Variants in ROBO1 observed in about 807,000 individuals in gnomAD.
ROBO1 encodes roundabout guidance receptor 1.
In ROBO1, 149 loss-of-function variants were observed where a neutral mutation model predicts 195.9. The ratio of observed to expected loss-of-function variants is 0.76; its 90% CI spans 0.67 to 0.87. ROBO1 has a LOEUF of 0.87. Ranked by LOEUF, ROBO1 falls within the 40% of genes least tolerant of loss-of-function variation. The pLI is 0.00. For synonymous variants in ROBO1, 816 were observed against 733.2 expected, an observed-to-expected ratio of 1.11 and a Z score of -1.82; for missense variants, 1,933 against 2,068.3, an observed-to-expected ratio of 0.93 and a Z score of 1.27.
At chr3:78,949,888 G>A (rs1195755750) in intron 3 of ROBO1, among the ~76,000 whole-genome samples, 1 of 152,200 alleles carries the variant, frequency 6.6e-6, no homozygotes, top group East Asian at 1.9e-4. Flanking sequence ...AGACATTTAT[G>A]CAGCCAAAAT....
chr3:79,067,765 T>C (rs995402812), intron 3 of ROBO1, among the ~76,000 whole-genome samples: 2 of 151,962 alleles, frequency 1.3e-5, no homozygotes, highest in Non-Finnish European at 2.9e-5. Flanking sequence ...CAAACATTTA[T>C]GTTACATGGT....
chr3:79,250,142 C>T (rs528067377), intron 2 of ROBO1, among the ~76,000 whole-genome samples: 4 of 152,090 alleles, frequency 2.6e-5, no homozygotes, highest in African/African-American at 4.8e-5. Flanking sequence ...TAGAAGATAT[C>T]AACAGAAATG....
At chr3:79,642,778 T>C (rs1479029807) in intron 1 of ROBO1, among the ~76,000 whole-genome samples, 1 of 152,130 alleles carries the variant, frequency 6.6e-6, no homozygotes, top group African/African-American at 2.4e-5. Flanking sequence ...TTTTTCACTC[T>C]GAACGAAAAA....
chr3:78,985,074 G>A (rs2077075552), intron 3 of ROBO1, among the ~76,000 whole-genome samples: 1 of 152,106 alleles, frequency 6.6e-6, no homozygotes, highest in Non-Finnish European at 1.5e-5. Context: ...AGCACTTTGG[G>A]AGGCCAAGGC....
At chr3:78,963,894 C>A (rs2107856962) in intron 3 of ROBO1, among the ~76,000 whole-genome samples, 1 of 152,268 alleles carries the variant, frequency 6.6e-6, no homozygotes, top group East Asian at 1.9e-4. Context: ...GTATTAGTTT[C>A]TTTGGGCTGC....
intron 9 of ROBO1, 134 bp from the exon 10 acceptor site, chr3:78,686,051 C>T: frequency 1.5e-6 from 1 of 680,368 alleles, no homozygotes; most frequent in Non-Finnish European, 2.4e-6. Flanking sequence ...ATGTATCCGT[C>T]TATATACACA....
At chr3:79,553,518 G>A (rs9872862) in intron 2 of ROBO1, among the ~76,000 whole-genome samples, 22,451 of 151,952 alleles carry the variant, frequency 0.15, 2,139 homozygotes, top group African/African-American at 0.26. Flanking sequence ...CAGGAATATG[G>A]AACACAATAT....
intron 1 of ROBO1, among the ~76,000 whole-genome samples, chr3:79,703,878 T>A: frequency 6.6e-6 from 1 of 152,122 alleles, no homozygotes; most frequent in African/African-American, 2.4e-5. Context: ...ACTATCACTG[T>A]TGAAAATTCC....
At chr3:78,639,944 G>C in intron 21 of ROBO1, 46 bp from the exon 22 acceptor site, 51 of 1,335,118 alleles carry the variant, frequency 3.8e-5, no homozygotes, top group Non-Finnish European at 5.0e-5. Context: ...TGAATAGAGA[G>C]TAATATTTTC....
chr3:78,911,485 T>C (rs2107537329), intron 4 of ROBO1, among the ~76,000 whole-genome samples: 1 of 152,136 alleles, frequency 6.6e-6, no homozygotes, highest in African/African-American at 2.4e-5. Context: ...TTGTGACTAG[T>C]CCTACCTCTT....
intron 2 of ROBO1, among the ~76,000 whole-genome samples, chr3:79,571,733 T>C (rs1943285020): frequency 1.3e-5 from 2 of 152,252 alleles, no homozygotes; most frequent in East Asian, 3.9e-4. Context: ...CTTTAAATTA[T>C]AATTAACTCA....
rs187609644 is a variant in ROBO1, at chr3:79,266,466, C to T, written c.89-140927G>A. 3.6e-4 allele frequency among the ~76,000 whole-genome samples: 55 copies of T among 151,544 alleles called. 1 individual carries two copies. The highest frequency in any genetic ancestry group is 3.0e-5 in the Non-Finnish European group (2 of 67,598). On this transcript the variant is annotated intron_variant, in intron 2 of 30. Transcript: ENST00000464233. ...ATCCTTCTTAGCTACAGAATACTGA[C>T]CTGTGGATCTATTTTCTTCTCTCTG... is the stretch of plus-strand genomic sequence containing the variant.
intron 1 of ROBO1, among the ~76,000 whole-genome samples, chr3:79,613,518 A>C (rs562735608): frequency 1.3e-5 from 2 of 152,206 alleles, no homozygotes; most frequent in South Asian, 2.1e-4. Flanking sequence ...GATAAAATAT[A>C]AAATGGCAAA....
At chr3:79,092,191 T>C (rs1376931272) in intron 3 of ROBO1, among the ~76,000 whole-genome samples, 2 of 152,148 alleles carry the variant, frequency 1.3e-5, no homozygotes, top group Non-Finnish European at 2.9e-5. Context: ...TGCTTTCAGA[T>C]GGGATGTAGG....
chr3:79,395,049 C>A (rs922868465), intron 2 of ROBO1, among the ~76,000 whole-genome samples: 4 of 151,978 alleles, frequency 2.6e-5, no homozygotes, highest in Non-Finnish European at 5.9e-5. Context: ...ACCGGCCGGG[C>A]GCGGTGGCTC....
intron 8 of ROBO1, among the ~76,000 whole-genome samples, chr3:78,706,275 C>G (rs1344138403): frequency 6.6e-6 from 1 of 151,778 alleles, no homozygotes; most frequent in African/African-American, 2.4e-5. Flanking sequence ...AAGGAGCCAA[C>G]ATAACAAAAA....
chr3:79,340,243 C>T (rs2109220106), intron 2 of ROBO1, among the ~76,000 whole-genome samples: 1 of 152,348 alleles, frequency 6.6e-6, no homozygotes, highest in Non-Finnish European at 1.5e-5. Flanking sequence ...AAAGTCATAT[C>T]TAATTCCATT....
intron 2 of ROBO1, among the ~76,000 whole-genome samples, chr3:79,503,329 G>A (rs949345108): frequency 1.3e-5 from 2 of 152,088 alleles, no homozygotes; most frequent in African/African-American, 4.8e-5. Context: ...CCGAACACAT[G>A]GGAACATCAG....
At chr3:78,639,955 T>C (rs1172052033) in intron 21 of ROBO1, 57 bp from the exon 22 acceptor site, 1 of 1,343,720 alleles carries the variant, frequency 7.4e-7, no homozygotes, top group Non-Finnish European at 1.0e-6. Flanking sequence ...TAATATTTTC[T>C]ATTTAAAATT....
Sources: gnomAD v4.1 joint callset for allele counts (sites outside exome capture counted in the v4.1 genomes callset) on GRCh38, gnomAD v4.1.1 for gene constraint, MANE v1.5 for transcripts, NCBI Gene and HGNC (gene_info 2026-07-23, HGNC 2026-07-21) for gene names.